The following TENM2 variants were observed in gnomAD, a reference collection of about 807,000 sequenced individuals.
TENM2 encodes the protein teneurin-2.
Under a neutral mutation model 245.2 loss-of-function variants are expected in TENM2, and 52 were observed. The ratio of observed to expected loss-of-function variants is 0.21; its 90% CI spans 0.17 to 0.27. The LOEUF is 0.27. Ranked by LOEUF, TENM2 falls within the 10% of genes least tolerant of loss-of-function variation. TENM2 has a pLI of 1.00. For synonymous variants in TENM2, 1,363 were observed against 1,438.9 expected, an observed-to-expected ratio of 0.95 and a Z score of 1.19; for missense variants, 3,046 against 3,666.8, an observed-to-expected ratio of 0.83 and a Z score of 4.37.
At chr5:167,872,129 C>CA (rs898650054) in intron 2 of TENM2, among the ~76,000 whole-genome samples, 1 of 151,610 alleles carries the variant, frequency 6.6e-6, no homozygotes, top group Non-Finnish European at 1.5e-5. Context: ...TCCTTCTATA[C>CA]AAAAAATACA....
At chr5:167,592,344 C>T (rs1775933254) in intron 2 of TENM2, among the ~76,000 whole-genome samples, 1 of 152,118 alleles carries the variant, frequency 6.6e-6, no homozygotes, top group Admixed American at 6.6e-5. Flanking sequence ...GGAAGAGAAG[C>T]CCCAGCTCAG....
At chr5:167,859,118 C>G (rs1356504353) in intron 2 of TENM2, among the ~76,000 whole-genome samples, 5 of 129,596 alleles carry the variant, frequency 3.9e-5, no homozygotes, top group South Asian at 2.7e-4. Context: ...GCCTCTGCCC[C>G]GCCGCCCCAT....
At chr5:167,524,780 T>TC (rs1180956351) in intron 2 of TENM2, among the ~76,000 whole-genome samples, 1 of 151,572 alleles carries the variant, frequency 6.6e-6, no homozygotes, top group Non-Finnish European at 1.5e-5. Flanking sequence ...TCGAAACAGT[T>TC]CCCCAAGAAA....
At chr5:167,600,619 C>A (rs1017464015) in intron 2 of TENM2, among the ~76,000 whole-genome samples, 1 of 152,174 alleles carries the variant, frequency 6.6e-6, no homozygotes, top group Non-Finnish European at 1.5e-5. Flanking sequence ...ATTATCAAGG[C>A]AGACATAATG....
chr5:167,776,570 G>A lies in TENM2; in HGVS notation c.503-99416G>A, dbSNP rs147213227. Among the ~76,000 whole-genome samples the A allele has an allele frequency of 3.2e-3, 359 of 112,426 alleles. 2 individuals are homozygous for A. The highest frequency in any genetic ancestry group is 0.022 in the Middle Eastern group (2 of 92). 73.8% of individuals were successfully genotyped at this position (112,426 alleles called of 152,430 possible). ...TGGTCGCACCACTGCACTCCAGCTT[G>A]GGCAGCAGATGAGACCCTGTCTGAA... is the stretch of plus-strand genomic sequence containing the variant. On this transcript the variant is annotated intron_variant, in intron 2 of 28. Transcript: ENST00000518659.
At chr5:168,092,528 C>G (rs1016773557) in intron 8 of TENM2, among the ~76,000 whole-genome samples, 5 of 152,186 alleles carry the variant, frequency 3.3e-5, no homozygotes, top group African/African-American at 1.2e-4. Context: ...AACCCCTACT[C>G]TAAAGTCATG....
At chr5:167,286,094 A>G (rs963562811) in intron 1 of TENM2, among the ~76,000 whole-genome samples, 3 of 152,222 alleles carry the variant, frequency 2.0e-5, no homozygotes, top group Non-Finnish European at 4.4e-5. Context: ...CACTATGCCC[A>G]CGGTTTATAA....
intron 4 of TENM2, among the ~76,000 whole-genome samples, chr5:167,955,516 T>C (rs1275018976): frequency 6.6e-6 from 1 of 152,114 alleles, no homozygotes; most frequent in Non-Finnish European, 1.5e-5. Context: ...CATTGCTTTT[T>C]GTGTTTTTGT....
chr5:168,188,402 C>T (rs146426113), intron 13 of TENM2, among the ~76,000 whole-genome samples: 160 of 152,240 alleles, frequency 1.1e-3, no homozygotes, highest in Non-Finnish European at 1.7e-3. Context: ...GTATTCAATC[C>T]GCTCCCAGCC....
chr5:167,340,258 A>G (rs1479495314), intron 1 of TENM2, among the ~76,000 whole-genome samples: 2 of 152,300 alleles, frequency 1.3e-5, no homozygotes, highest in South Asian at 2.1e-4. Context: ...ATCCACTACC[A>G]GTTCCAAAGT....
the TENM2 span, among the ~76,000 whole-genome samples, chr5:167,175,021 A>G: frequency 1.1e-4 from 17 of 152,078 alleles, no homozygotes; most frequent in African/African-American, 3.9e-4. Context: ...TTAAAACCGA[A>G]CATTTATGTA....
chr5:167,977,217 A>G (rs995544677), intron 4 of TENM2, among the ~76,000 whole-genome samples: 8 of 152,144 alleles, frequency 5.3e-5, no homozygotes, highest in African/African-American at 1.4e-4. Context: ...AAAAATTCCT[A>G]TTGGGTACAA....
At chr5:167,593,880 C>T (rs972201960) in intron 2 of TENM2, among the ~76,000 whole-genome samples, 4 of 152,142 alleles carry the variant, frequency 2.6e-5, no homozygotes, top group Non-Finnish European at 5.9e-5. Flanking sequence ...GGTACTTCTC[C>T]CTCGCCTCAG....
At chr5:167,929,320 G>C (rs991762509) in intron 3 of TENM2, among the ~76,000 whole-genome samples, 2 of 152,114 alleles carry the variant, frequency 1.3e-5, no homozygotes, top group Admixed American at 6.5e-5. Flanking sequence ...AAGAGCATTT[G>C]AGAAATGCCT....
intron 1 of TENM2, among the ~76,000 whole-genome samples, chr5:167,310,708 G>A (rs1581715412): frequency 6.6e-6 from 1 of 152,056 alleles, no homozygotes; most frequent in African/African-American, 2.4e-5. Flanking sequence ...AAATAAGAAA[G>A]AATTAATTTT....
At chr5:168,129,439 A>G (rs1420648979) in intron 12 of TENM2, 4 of 152,228 alleles carry the variant, frequency 2.6e-5, no homozygotes, top group Non-Finnish European at 4.4e-5. Context: ...CTTGTTCAGA[A>G]CGATGATCTC....
At chr5:168,126,227 G>C (rs967932103) in intron 11 of TENM2, among the ~76,000 whole-genome samples, 3 of 152,296 alleles carry the variant, frequency 2.0e-5, no homozygotes, top group Admixed American at 2.0e-4. Context: ...TGGAGCAGCG[G>C]GGTCCCCAAC....
chr5:167,843,681 A>T (rs1001884967), intron 2 of TENM2, among the ~76,000 whole-genome samples: 2 of 152,188 alleles, frequency 1.3e-5, no homozygotes, highest in Non-Finnish European at 2.9e-5. Flanking sequence ...AAAACCTGTG[A>T]GCAGATTGTT....
chr5:167,866,825 C>T (rs1186010806), intron 2 of TENM2, among the ~76,000 whole-genome samples: 1 of 152,158 alleles, frequency 6.6e-6, no homozygotes, highest in Non-Finnish European at 1.5e-5. Context: ...CTATGCTGTC[C>T]AACATGGTAG....
Sources: allele counts gnomAD v4.1 joint callset (sites outside exome capture counted in the v4.1 genomes callset), GRCh38; gene constraint gnomAD v4.1.1; transcripts MANE v1.5; gene names NCBI Gene and HGNC (gene_info 2026-07-23, HGNC 2026-07-21).